DNM3: variants seen among roughly 807,000 people sequenced by gnomAD.
The protein encoded by DNM3 is dynamin 3.
DNM3 carries 47 observed loss-of-function variants against 101.6 expected under a neutral mutation model. That is an observed-to-expected ratio of 0.46 (90% CI 0.37 to 0.59). The LOEUF (loss-of-function observed/expected upper bound fraction) is 0.59, where lower values mean the gene tolerates loss of function less well. Ranked by LOEUF, DNM3 falls within the 20% of genes least tolerant of loss-of-function variation. The pLI, the probability that DNM3 is intolerant of heterozygous loss-of-function variation, is 0.00. For missense variants in DNM3, 849 were observed against 1,085.7 expected, an observed-to-expected ratio of 0.78 and a Z score of 3.06; for synonymous variants, 385 against 387.9, an observed-to-expected ratio of 0.99 and a Z score of 0.09.
intron 14 of DNM3, among the ~76,000 whole-genome samples, chr1:172,232,746 G>A (rs534576403): frequency 3.9e-5 from 6 of 152,222 alleles, no homozygotes; most frequent in Non-Finnish European, 5.9e-5. Context: ...ACTCAAAACC[G>A]CTCAACTACA....
chr1:172,056,669 C>T (rs2050657045), intron 10 of DNM3, among the ~76,000 whole-genome samples: 1 of 150,560 alleles, frequency 6.6e-6, no homozygotes, highest in Non-Finnish European at 1.5e-5. Context: ...ACAGAAAGGA[C>T]ATCCACACCA....
intron 15 of DNM3, among the ~76,000 whole-genome samples, chr1:172,304,800 T>G (rs1026611264): frequency 1.2e-4 from 19 of 152,106 alleles, no homozygotes; most frequent in African/African-American, 4.3e-4. Flanking sequence ...AATAATGAAA[T>G]GAAGGCAGAA....
intron 14 of DNM3, chr1:172,133,109 G>A: frequency 2.8e-6 from 4 of 1,419,824 alleles, no homozygotes; most frequent in Non-Finnish European, 2.7e-6. Context: ...ACATGTTCCT[G>A]GGTGTTAGCA....
At chr1:172,225,689 G>C (rs565509933) in intron 14 of DNM3, among the ~76,000 whole-genome samples, 1 of 152,114 alleles carries the variant, frequency 6.6e-6, no homozygotes, top group Non-Finnish European at 1.5e-5. Flanking sequence ...AGGAGATGGA[G>C]TTTACAGTGA....
chr1:172,412,920 A>G (rs1432799813), downstream of DNM3, among the ~76,000 whole-genome samples: 1 of 152,172 alleles, frequency 6.6e-6, no homozygotes, highest in South Asian at 2.1e-4. Flanking sequence ...CAAAGGCAGG[A>G]GAGTGGGAGA....
intron 13 of DNM3, among the ~76,000 whole-genome samples, chr1:172,111,654 A>G (rs1216789861): frequency 6.6e-6 from 1 of 152,220 alleles, no homozygotes; most frequent in Non-Finnish European, 1.5e-5. Context: ...TCTTATTGGG[A>G]AAATGGGAGC....
intron 1 of DNM3, among the ~76,000 whole-genome samples, chr1:171,911,273 C>CTTTTTTTTTTTTTT (rs151321245): frequency 1.1e-5 from 1 of 90,752 alleles, no homozygotes; most frequent in Non-Finnish European, 2.0e-5. Flanking sequence ...ACCCCAACAT[C>CTTTTTTTTTTTTTT]TTTTTTTTTT....
intron 12 of DNM3, among the ~76,000 whole-genome samples, chr1:172,091,151 T>C (rs921853875): frequency 1.3e-5 from 2 of 152,212 alleles, no homozygotes; most frequent in African/African-American, 4.8e-5. Context: ...ATGAGGGTTA[T>C]AATGGCATCA....
intron 17 of DNM3, among the ~76,000 whole-genome samples, chr1:172,353,753 T>C (rs957676330): frequency 3.0e-4 from 46 of 152,256 alleles, no homozygotes; most frequent in Non-Finnish European, 4.7e-4. Flanking sequence ...ATAAGTCTAC[T>C]TATATCATGA....
intron 1 of DNM3, among the ~76,000 whole-genome samples, chr1:171,910,466 G>A (rs1424475356): frequency 6.6e-6 from 1 of 152,150 alleles, no homozygotes; most frequent in Non-Finnish European, 1.5e-5. Context: ...GGTACTATCT[G>A]TGGTTTCAGG....
intron 14 of DNM3, among the ~76,000 whole-genome samples, chr1:172,218,687 C>T (rs1459190566): frequency 1.3e-5 from 2 of 152,068 alleles, no homozygotes; most frequent in Non-Finnish European, 2.9e-5. Context: ...GAATTGTGGA[C>T]TTGCATATCT....
At chr1:172,242,631 C>T (rs1177240122) in intron 14 of DNM3, among the ~76,000 whole-genome samples, 1 of 152,138 alleles carries the variant, frequency 6.6e-6, no homozygotes, top group East Asian at 1.9e-4. Flanking sequence ...TTTGGAGAGA[C>T]ATGGTCTCAC....
downstream of DNM3, among the ~76,000 whole-genome samples, chr1:172,417,588 G>A (rs1044205974): frequency 6.6e-6 from 1 of 152,170 alleles, no homozygotes; most frequent in East Asian, 1.9e-4. Flanking sequence ...CTTAGACAGA[G>A]GGAAATCCTA....
At chr1:172,296,647 C>G (rs1053130687) in intron 15 of DNM3, among the ~76,000 whole-genome samples, 41 of 152,206 alleles carry the variant, frequency 2.7e-4, no homozygotes, top group Admixed American at 6.5e-5. Context: ...TCACACCTCC[C>G]TTTCCAATTA....
intron 4 of DNM3, among the ~76,000 whole-genome samples, chr1:172,017,183 A>T (rs1306116018): frequency 6.6e-6 from 1 of 152,136 alleles, no homozygotes; most frequent in Non-Finnish European, 1.5e-5. Context: ...ATCTTTTCAA[A>T]AAAACAGGAT....
chr1:171,947,197 C>T (rs550585323), intron 2 of DNM3, among the ~76,000 whole-genome samples: 1 of 152,198 alleles, frequency 6.6e-6, no homozygotes, highest in East Asian at 1.9e-4. Flanking sequence ...CCTTTAATGG[C>T]AGCATGGTGG....
At chr1:172,264,560 T>C (rs1481845387) in intron 15 of DNM3, among the ~76,000 whole-genome samples, 1 of 152,230 alleles carries the variant, frequency 6.6e-6, no homozygotes, top group Non-Finnish European at 1.5e-5. Context: ...ATAGATTTTC[T>C]AAATGCCTCC....
intron 1 of DNM3, among the ~76,000 whole-genome samples, chr1:171,879,078 C>A (rs2036033376): frequency 6.6e-6 from 1 of 152,158 alleles, no homozygotes; most frequent in Non-Finnish European, 1.5e-5. Flanking sequence ...GCTCCCAAAT[C>A]AAAACTAATA....
At chr1:171,853,215 G>A in intron 1 of DNM3, among the ~76,000 whole-genome samples, 1 of 152,086 alleles carries the variant, frequency 6.6e-6, no homozygotes, top group Middle Eastern at 3.4e-3. Flanking sequence ...CCAGGCTGGA[G>A]GGCAATGGCA....
Sources: allele counts gnomAD v4.1 joint callset (sites outside exome capture counted in the v4.1 genomes callset), GRCh38; gene constraint gnomAD v4.1.1; transcripts MANE v1.5; gene names NCBI Gene and HGNC (gene_info 2026-07-23, HGNC 2026-07-21).